Variants in OCA2 observed in about 807,000 individuals in gnomAD.
OCA2 encodes the protein P protein.
A neutral mutation model predicts 100.2 loss-of-function variants in OCA2; 77 were observed. The ratio of observed to expected loss-of-function variants is 0.77; its 90% CI spans 0.64 to 0.93. The LOEUF (loss-of-function observed/expected upper bound fraction) is 0.93, where lower values mean the gene tolerates loss of function less well. Among genes scored for constraint, OCA2 ranks in the 40% least tolerant of loss-of-function variants. The pLI is 0.00. For synonymous variants in OCA2, 432 were observed against 439.2 expected, an observed-to-expected ratio of 0.98 and a Z score of 0.21; for missense variants, 1,062 against 1,089.1, an observed-to-expected ratio of 0.98 and a Z score of 0.35.
At chr15:27,967,646 A>G (rs1391534153) in intron 14 of OCA2, among the ~76,000 whole-genome samples, 1 of 152,246 alleles carries the variant, frequency 6.6e-6, no homozygotes, top group Admixed American at 6.5e-5. Flanking sequence ...AGGGCCCATC[A>G]GGGCTGGGAT....
intron 18 of OCA2, among the ~76,000 whole-genome samples, chr15:27,945,013 T>C (rs926380329): frequency 2.0e-5 from 3 of 152,206 alleles, no homozygotes; most frequent in African/African-American, 7.2e-5. Flanking sequence ...ATGGTTTTTA[T>C]GTTCACCACA....
At chr15:28,076,258 T>C (rs1299508723) in intron 2 of OCA2, among the ~76,000 whole-genome samples, 2 of 152,194 alleles carry the variant, frequency 1.3e-5, no homozygotes, top group Non-Finnish European at 2.9e-5. Context: ...TTTTCAGCAA[T>C]ATATTTATTT....
At chr15:27,798,830 A>G (rs911371741) in intron 23 of OCA2, among the ~76,000 whole-genome samples, 3 of 152,232 alleles carry the variant, frequency 2.0e-5, no homozygotes, top group African/African-American at 7.2e-5. Context: ...TTTTGGATTT[A>G]CAAAGCATTT....
At chr15:27,894,497 A>T (rs1389657480) in intron 19 of OCA2, among the ~76,000 whole-genome samples, 1 of 152,220 alleles carries the variant, frequency 6.6e-6, no homozygotes, top group Non-Finnish European at 1.5e-5. Context: ...AAGGACAGAA[A>T]CCTGATCTCT....
chr15:27,986,755 C>A, intron 11 of OCA2, 112 bp from the exon 12 acceptor site: 1 of 777,158 alleles, frequency 1.3e-6, no homozygotes. Context: ...GCCACCACAT[C>A]ACCAAGCTCC....
At chr15:27,871,773 G>T in intron 20 of OCA2, 90 bp downstream of exon 20, 1 of 957,590 alleles carries the variant, frequency 1.0e-6, no homozygotes, top group Non-Finnish European at 1.7e-6. Context: ...AATGGGACCT[G>T]TTCTTACCAG....
the OCA2 span, among the ~76,000 whole-genome samples, chr15:27,741,406 G>C: frequency 6.6e-6 from 1 of 152,198 alleles, no homozygotes; most frequent in African/African-American, 2.4e-5. Context: ...TTCATAGGGA[G>C]GGGTAGGCAC....
chr15:27,922,446 A>G (rs114238512), intron 19 of OCA2, among the ~76,000 whole-genome samples: 90 of 152,350 alleles, frequency 5.9e-4, no homozygotes, highest in African/African-American at 2.1e-3. Context: ...ACAGTAGCAC[A>G]GTATGTACCA....
chr15:27,869,725 G>A (rs562011747), intron 21 of OCA2, among the ~76,000 whole-genome samples: 3 of 152,298 alleles, frequency 2.0e-5, no homozygotes, highest in South Asian at 2.1e-4. Context: ...CGCTCGGTCC[G>A]CAACTGTGGC....
chr15:27,903,728 A>G (rs1423764889), intron 19 of OCA2, among the ~76,000 whole-genome samples: 1 of 152,136 alleles, frequency 6.6e-6, no homozygotes, highest in East Asian at 1.9e-4. Flanking sequence ...CCTGGTTTTT[A>G]AACTCTGGAC....
Position 28,055,189 on chromosome 15 carries a change from A to G in OCA2, c.228-23026T>C, listed in dbSNP as rs114295152. ...GTTGGGTTTGCTGAGTTTGTCATAC[A>G]CCTGTATCTGGGACTTTCCTGTTAT... On this transcript the variant is annotated intron_variant, in intron 2 of 23. Coordinates refer to ENST00000354638, the MANE Select transcript of OCA2 (RefSeq NM_000275.3). 2.8e-3 allele frequency among the ~76,000 whole-genome samples: 425 copies of G among 152,244 alleles called. 2 individuals carry two copies. The highest frequency in any genetic ancestry group is 9.8e-3 in the African/African-American group (408 of 41,550).
the OCA2 span, among the ~76,000 whole-genome samples, chr15:27,745,511 G>T: frequency 1.3e-5 from 2 of 152,070 alleles, no homozygotes; most frequent in African/African-American, 4.8e-5. Context: ...TAACTTTCTG[G>T]GAATGCAGAC....
At chr15:27,864,245 T>C (rs1420109909) in intron 21 of OCA2, among the ~76,000 whole-genome samples, 1 of 152,164 alleles carries the variant, frequency 6.6e-6, no homozygotes, top group East Asian at 1.9e-4. Context: ...CTCCTTAGCT[T>C]GCACAATGGC....
intron 1 of OCA2, among the ~76,000 whole-genome samples, chr15:28,092,621 G>C (rs1168874125): frequency 6.6e-6 from 1 of 152,110 alleles, no homozygotes; most frequent in East Asian, 1.9e-4. Context: ...CCAAAGTCCT[G>C]GGATTACAGG....
At chr15:28,076,741 G>A (rs1473089752) in intron 2 of OCA2, among the ~76,000 whole-genome samples, 2 of 150,800 alleles carry the variant, frequency 1.3e-5, no homozygotes. Flanking sequence ...CAGCTACTCG[G>A]GAGGCTGAGG....
At position 28,043,572 on chromosome 15, in the gene OCA2, T is replaced by A. The variant is rs1483545750; in HGVS notation, c.228-11409A>T. 6.6e-6 allele frequency among the ~76,000 whole-genome samples: 1 copy of A among 152,176 alleles called. No homozygotes were observed. The highest frequency in any genetic ancestry group is 1.5e-5 in the Non-Finnish European group (1 of 68,030). On this transcript the variant is annotated intron_variant, in intron 2 of 23. Coordinates refer to ENST00000354638, the MANE Select transcript of OCA2 (RefSeq NM_000275.3). This position sits in a 1 kb window ranked among gnomAD's most constrained non-coding sequence, Gnocchi z 4.4. ...CTTTTCAAAGCAAACGGATGGAACATGAAAGACTCCTGTTTAGAGAACCAC... is the reference window on the plus strand; with the variant it reads ...CTTTTCAAAGCAAACGGATGGAACAAGAAAGACTCCTGTTTAGAGAACCAC...
chr15:27,961,117 C>G (rs2040397384), intron 15 of OCA2, among the ~76,000 whole-genome samples: 1 of 151,974 alleles, frequency 6.6e-6, no homozygotes, highest in African/African-American at 2.4e-5. Flanking sequence ...AAAAAAACAA[C>G]CCCATCAAAA....
At chr15:28,082,334 A>G (rs572601460) in intron 1 of OCA2, among the ~76,000 whole-genome samples, 1 of 152,242 alleles carries the variant, frequency 6.6e-6, no homozygotes, top group Admixed American at 6.5e-5. Context: ...GATACTTTCG[A>G]TGTTTTGGTT....
At chr15:28,072,401 A>T (rs1471081738) in intron 2 of OCA2, among the ~76,000 whole-genome samples, 3 of 152,138 alleles carry the variant, frequency 2.0e-5, no homozygotes, top group Non-Finnish European at 4.4e-5. Flanking sequence ...CATCCTGGCT[A>T]ACACGGTGAA....
Sources: allele counts gnomAD v4.1 joint callset (sites outside exome capture counted in the v4.1 genomes callset), GRCh38; gene constraint gnomAD v4.1.1; non-coding constraint Gnocchi (gnomAD v3.1); transcripts MANE v1.5; gene names NCBI Gene and HGNC (gene_info 2026-07-23, HGNC 2026-07-21).